SMCO2: variants seen among roughly 807,000 people sequenced by gnomAD.
SMCO2 encodes the protein single-pass membrane protein with coiled-coil domains 2.
In SMCO2, 25 loss-of-function variants were observed where a neutral mutation model predicts 29.5. That is an observed-to-expected ratio of 0.85 (90% CI 0.62 to 1.18). The LOEUF (loss-of-function observed/expected upper bound fraction) is 1.18, where lower values mean the gene tolerates loss of function less well. Ranked by LOEUF, SMCO2 falls within the 50% of genes most tolerant of loss-of-function variation. SMCO2 has a pLI of 0.00. For synonymous variants in SMCO2, 117 were observed against 123.3 expected (o/e 0.95, Z 0.34); for missense variants, 348 against 344.5 (o/e 1.01, Z -0.08).
the SMCO2 span, among the ~76,000 whole-genome samples, chr12:27,435,802 A>G: frequency 1.3e-5 from 2 of 152,222 alleles, no homozygotes; most frequent in African/African-American, 4.8e-5. Flanking sequence ...ACAGTTCTGT[A>G]TAAATTCATG....
the SMCO2 span, among the ~76,000 whole-genome samples, chr12:27,461,179 G>T: frequency 6.6e-6 from 1 of 152,032 alleles, no homozygotes; most frequent in Non-Finnish European, 1.5e-5. Context: ...CAATGTAAAT[G>T]CTATGTCAAT....
At chr12:27,498,605 T>A (rs1278480743) in intron 7 of SMCO2, 1 of 208,738 alleles carries the variant, frequency 4.8e-6, no homozygotes, top group Non-Finnish European at 1.0e-5. Flanking sequence ...CTGCTTAGGT[T>A]TGAACACTGT....
the SMCO2 span, among the ~76,000 whole-genome samples, chr12:27,458,983 C>T: frequency 8.9e-4 from 134 of 150,930 alleles, no homozygotes; most frequent in Non-Finnish European, 1.4e-3. Flanking sequence ...GTCAGAAGAT[C>T]GAGACCATCC....
At chr12:27,432,248 A>G in the SMCO2 span, among the ~76,000 whole-genome samples, 3 of 152,270 alleles carry the variant, frequency 2.0e-5, no homozygotes, top group East Asian at 5.8e-4. Context: ...TTTGATGTGC[A>G]GAAGCTTTTA....
upstream of SMCO2, among the ~76,000 whole-genome samples, chr12:27,466,429 A>G (rs565065802): frequency 7.2e-5 from 11 of 152,242 alleles, no homozygotes; most frequent in African/African-American, 2.6e-4. Context: ...AAAATAAAAT[A>G]AAAAAAGGAA....
intron 3 of SMCO2, among the ~76,000 whole-genome samples, chr12:27,473,369 A>T (rs976109982): frequency 6.6e-6 from 1 of 152,040 alleles, no homozygotes; most frequent in African/African-American, 2.4e-5. Flanking sequence ...TCATCCTCAC[A>T]TGGTCTTCTC....
At chr12:27,478,855 G>A (rs375383244) in intron 4 of SMCO2, among the ~76,000 whole-genome samples, 11 of 152,236 alleles carry the variant, frequency 7.2e-5, no homozygotes, top group East Asian at 5.8e-4. Context: ...CACGGGGGGC[G>A]GGCCTGTCCT....
At chr12:27,488,680 C>T (rs1205159858) in intron 5 of SMCO2, 133 bp downstream of exon 6, 7 of 516,584 alleles carry the variant, frequency 1.4e-5, no homozygotes, top group Non-Finnish European at 2.2e-5. Flanking sequence ...GTGGTCACGT[C>T]TGAGCACCCT....
intron 4 of SMCO2, among the ~76,000 whole-genome samples, chr12:27,480,337 A>G (rs1949631312): frequency 6.6e-6 from 1 of 152,164 alleles, no homozygotes; most frequent in Non-Finnish European, 1.5e-5. Context: ...CAACACCCTC[A>G]CAGACACACC....
chr12:27,486,083 C>T (rs1445294617), intron 4 of SMCO2, among the ~76,000 whole-genome samples: 2 of 152,202 alleles, frequency 1.3e-5, no homozygotes, highest in African/African-American at 4.8e-5. Flanking sequence ...TTATTCTCAG[C>T]ACTGCTTGAT....
chr12:27,478,792 C>A (rs1396046531), intron 4 of SMCO2, among the ~76,000 whole-genome samples: 1 of 152,182 alleles, frequency 6.6e-6, no homozygotes, highest in African/African-American at 2.4e-5. Flanking sequence ...GAAGGCAGGG[C>A]AGGTTGATCC....
At chr12:27,473,035 A>G (rs1949554599) in intron 3 of SMCO2, 160 bp downstream of exon 3, 2 of 596,688 alleles carry the variant, frequency 3.4e-6, no homozygotes, top group East Asian at 5.8e-5. Flanking sequence ...GAGGCAGGGA[A>G]TATGGCATTG....
intron 4 of SMCO2, among the ~76,000 whole-genome samples, chr12:27,485,228 A>G (rs946677564): frequency 1.3e-5 from 2 of 151,852 alleles, no homozygotes; most frequent in African/African-American, 2.4e-5. Context: ...ATCTGATATA[A>G]CATTAATCCC....
At chr12:27,488,540 G>A (rs412978) in exon 5 of SMCO2, 169,848 of 1,536,838 alleles carry the variant, frequency 0.11, 20,434 homozygotes, top group African/African-American at 0.52. Context: ...CAAGGGACAA[G>A]CACTGAGGTA....
At chr12:27,480,903 T>C (rs1182795049) in intron 4 of SMCO2, among the ~76,000 whole-genome samples, 2 of 152,208 alleles carry the variant, frequency 1.3e-5, no homozygotes, top group Admixed American at 6.5e-5. Context: ...TATTTCTTTA[T>C]AGCAATGCAA....
At chr12:27,474,674 G>T in intron 3 of SMCO2, 112 bp from the exon 4 acceptor site, 2 of 1,240,996 alleles carry the variant, frequency 1.6e-6, no homozygotes, top group Non-Finnish European at 2.2e-6. Context: ...TCCAGTCTCA[G>T]AGAGGACTAT....
At chr12:27,472,724 C>T in intron 2 of SMCO2, 52 bp from the exon 3 acceptor site, 1 of 1,400,100 alleles carries the variant, frequency 7.1e-7, no homozygotes, top group South Asian at 1.3e-5. Context: ...CAGGCCCAAG[C>T]TCTGGCCCAA....
chr12:27,464,319 G>A (rs1417236594), upstream of SMCO2, among the ~76,000 whole-genome samples: 1 of 152,174 alleles, frequency 6.6e-6, no homozygotes, highest in Admixed American at 6.5e-5. Context: ...ACCGCCCACA[G>A]AGGGAGCTGG....
At chr12:27,495,589 G>T in intron 6 of SMCO2, 91 bp from the exon 8 acceptor site, 1 of 1,244,756 alleles carries the variant, frequency 8.0e-7, no homozygotes, top group Non-Finnish European at 1.1e-6. Flanking sequence ...CCCCCAAGGT[G>T]ATCCAGAGGA....
Sources: gnomAD v4.1 joint callset for allele counts (sites outside exome capture counted in the v4.1 genomes callset) on GRCh38, gnomAD v4.1.1 for gene constraint, MANE v1.5 for transcripts, NCBI Gene and HGNC (gene_info 2026-07-23, HGNC 2026-07-21) for gene names.